PTK2: variants seen among roughly 807,000 people sequenced by gnomAD.
PTK2 encodes protein tyrosine kinase 2.
Under a neutral mutation model 150.1 loss-of-function variants are expected in PTK2, and 45 were observed. The observed-to-expected ratio is 0.30, with a 90% CI of 0.24 to 0.38. The LOEUF is 0.38. Ranked by LOEUF, PTK2 falls within the 10% of genes least tolerant of loss-of-function variation. PTK2 has a pLI of 1.00. For missense variants in PTK2, 919 were observed against 1,307.3 expected, an observed-to-expected ratio of 0.70 and a Z score of 4.58; for synonymous variants, 432 against 449.2, an observed-to-expected ratio of 0.96 and a Z score of 0.48.
intron 22 of PTK2, among the ~76,000 whole-genome samples, chr8:140,721,484 A>C (rs1041944027): frequency 5.9e-5 from 9 of 152,314 alleles, no homozygotes; most frequent in African/African-American, 2.2e-4. Context: ...GGGAAGGTAT[A>C]TCTTAACTTT....
intron 23 of PTK2, among the ~76,000 whole-genome samples, chr8:140,714,963 G>T (rs2100038823): frequency 1.3e-5 from 2 of 151,698 alleles, no homozygotes; most frequent in Admixed American, 1.3e-4. Context: ...ACTCATTTTA[G>T]ACGTGCTAAA....
intron 22 of PTK2, among the ~76,000 whole-genome samples, chr8:140,723,732 G>A (rs1225799473): frequency 1.3e-5 from 2 of 152,110 alleles, no homozygotes; most frequent in Non-Finnish European, 2.9e-5. Flanking sequence ...GCAAATAGAT[G>A]GAACAATGAA....
intron 2 of PTK2, among the ~76,000 whole-genome samples, chr8:140,921,968 A>G (rs193246173): frequency 1.4e-4 from 22 of 152,364 alleles, no homozygotes; most frequent in Non-Finnish European, 2.5e-4. Context: ...CCGAATGTAC[A>G]TAAGACACAC....
Position 140,697,416 on chromosome 8 carries a change from TTGTGTGTGTGTGTGTGTGTGTG to T in PTK2, c.2499+3453_2499+3474del, listed in dbSNP as rs34459077. On this transcript the variant is annotated intron_variant, in intron 26 of 31. Transcript: ENST00000522684. ...CTACAGGAAGTTCTTAGAATACGGT[TTGTGTGTGTGTGTGTGTGTGTG>T]TGTGTGTGTGTGTGTGTTTTTAAAC... 4.9e-3 allele frequency among the ~76,000 whole-genome samples: 719 copies of T among 145,814 alleles called. 9 individuals carry two copies. Among genetic ancestry groups the T allele is most frequent in the African/African-American group, 0.016 (651 of 39,588 alleles).
chr8:140,941,564 G>A (rs766046811), intron 1 of PTK2, among the ~76,000 whole-genome samples: 13 of 152,024 alleles, frequency 8.6e-5, no homozygotes, highest in African/African-American at 1.2e-4. Flanking sequence ...ATTTTTAAAC[G>A]AAAATTAGAA....
At chr8:140,664,830 G>A in intron 31 of PTK2, 87 bp downstream of exon 35, 3 of 1,303,550 alleles carry the variant, frequency 2.3e-6, no homozygotes, top group Non-Finnish European at 3.3e-6. Context: ...ACAGACTGAG[G>A]AGCGGCCTTC....
intron 2 of PTK2, among the ~76,000 whole-genome samples, chr8:140,903,570 T>C (rs140796394): frequency 0.023 from 3,565 of 152,256 alleles, 56 homozygotes; most frequent in Non-Finnish European, 0.037. Context: ...GGGGACAGCA[T>C]CGAATCTATA....
rs1238412253 is a variant in PTK2, at chr8:140,922,864, C to A, written c.-33+2797G>T. Among the ~76,000 whole-genome samples, 4 of 152,150 alleles carry A rather than the reference C, an allele frequency of 2.6e-5. No homozygotes were observed. The East Asian group carries it at 5.8e-4, about 22-fold the overall frequency. ...CTTCACACCACAGCACACCACCCTA[C>A]CACAGGAAGGATTTTTTAGTCAGAC... On this transcript the variant is annotated intron_variant, in intron 2 of 31. Coordinates refer to ENST00000522684, the Ensembl canonical transcript of PTK2.
In PTK2 at chr8:140,696,726, A is replaced by C. The variant is rs73366348; in HGVS notation, c.2499+4165T>G. ...GAGTTAAAAAACACTCATTTACAAAAAGAAAAAAATAAACTCATAAAAGAG... is the reference window on the plus strand; with the variant it reads ...GAGTTAAAAAACACTCATTTACAAACAGAAAAAAATAAACTCATAAAAGAG... On this transcript the variant is annotated intron_variant, in intron 26 of 31. Coordinates refer to ENST00000522684, the Ensembl canonical transcript of PTK2. Among the ~76,000 whole-genome samples the C allele has an allele frequency of 3.4e-3, 518 of 152,304 alleles. 6 individuals carry two copies. The highest frequency in any genetic ancestry group is 0.012 in the African/African-American group (489 of 41,556).
chr8:140,841,576 A>T (rs1465780511), intron 7 of PTK2, among the ~76,000 whole-genome samples: 1 of 152,128 alleles, frequency 6.6e-6, no homozygotes, highest in Non-Finnish European at 1.5e-5. Context: ...CAAAAACCAA[A>T]ATGAAAATAC....
chr8:140,747,559 C>T (rs1018076609), intron 17 of PTK2, among the ~76,000 whole-genome samples: 18 of 10,460 alleles, frequency 1.7e-3, no homozygotes, highest in African/African-American at 8.0e-3. Context: ...GGAGGGGGAA[C>T]GGGAGGAGGA....
At chr8:140,694,802 T>C (rs1025849269) in intron 26 of PTK2, among the ~76,000 whole-genome samples, 2 of 152,142 alleles carry the variant, frequency 1.3e-5, no homozygotes, top group Non-Finnish European at 2.9e-5. Context: ...TAGAGTCTCT[T>C]CACCAAATTA....
chr8:140,988,223 T>C (rs968235165), intron 1 of PTK2, among the ~76,000 whole-genome samples: 3 of 152,148 alleles, frequency 2.0e-5, no homozygotes, highest in Non-Finnish European at 2.9e-5. Flanking sequence ...TTCAATGTAA[T>C]CCCAAACAAC....
intron 14 of PTK2, among the ~76,000 whole-genome samples, chr8:140,786,039 G>C (rs892035753): frequency 6.6e-6 from 1 of 152,142 alleles, no homozygotes; most frequent in African/African-American, 2.4e-5. Context: ...TCTATAAAGG[G>C]AGGGACGTGG....
At chr8:140,936,389 A>C (rs2100173630) in intron 1 of PTK2, among the ~76,000 whole-genome samples, 1 of 152,192 alleles carries the variant, frequency 6.6e-6, no homozygotes, top group Admixed American at 6.5e-5. Context: ...GTCTACAACA[A>C]GGTATAAGGT....
intron 22 of PTK2, among the ~76,000 whole-genome samples, chr8:140,729,549 C>T (rs959415274): frequency 6.6e-6 from 1 of 152,186 alleles, no homozygotes; most frequent in Non-Finnish European, 1.5e-5. Flanking sequence ...CCTCAAAGCC[C>T]GTGGGTAGGG....
chr8:140,756,394 A>G (rs1362832331), intron 16 of PTK2, among the ~76,000 whole-genome samples: 4 of 151,636 alleles, frequency 2.6e-5, no homozygotes, highest in African/African-American at 7.3e-5. Flanking sequence ...TTCAACAAAC[A>G]TTTAGTAAAC....
At chr8:140,734,672 GT>G (rs750735591) in intron 22 of PTK2, 1 of 500,390 alleles carries the variant, frequency 2.0e-6, no homozygotes, top group Non-Finnish European at 4.0e-6. Context: ...AGCAATGGAT[GT>G]TTTAAATATA....
At chr8:140,970,676 C>A (rs1031442947) in intron 1 of PTK2, among the ~76,000 whole-genome samples, 1 of 152,226 alleles carries the variant, frequency 6.6e-6, no homozygotes, top group African/African-American at 2.4e-5. Flanking sequence ...CCTGACAGGT[C>A]CCCTGCTTCT....
Sources: allele counts gnomAD v4.1 joint callset (sites outside exome capture counted in the v4.1 genomes callset), GRCh38; gene constraint gnomAD v4.1.1; transcripts MANE v1.5; gene names NCBI Gene and HGNC (gene_info 2026-07-23, HGNC 2026-07-21).